The following SAP130 variants were observed in gnomAD, a reference collection of about 807,000 sequenced individuals.
SAP130 encodes histone deacetylase complex subunit SAP130.
Under a neutral mutation model 103.2 loss-of-function variants are expected in SAP130, and 16 were observed. The observed-to-expected ratio is 0.16, with a 90% CI of 0.10 to 0.24. The LOEUF is 0.24. Among genes scored for constraint, SAP130 ranks in the 10% least tolerant of loss-of-function variants. The pLI is 1.00. For missense variants in SAP130, 990 were observed against 1,359.7 expected (o/e 0.73, Z 4.28); for synonymous variants, 477 against 497.0 (o/e 0.96, Z 0.53).
At position 127,999,725 on chromosome 2, in the gene SAP130, G is replaced by A. The variant is rs770983419; in HGVS notation, c.1213+16C>T. On this transcript the variant is annotated intron_variant, in intron 10 of 20. Coordinates refer to ENST00000643581, the MANE Select transcript of SAP130 (RefSeq NM_001330301.2). ...ACTCCTGGTAAGCTTCTGTCCGAAG[G>A]CAGCAGGCCACTTACCGACTGGGAT... The A allele has an allele frequency of 5.5e-6, 8 of 1,455,842 alleles. No homozygotes were observed. In the South Asian group the frequency reaches 1.0e-4, roughly 19 times the overall value. 90.2% of individuals were successfully genotyped at this position (1,455,842 alleles called of 1,614,324 possible).
chr2:128,020,785 G>A (rs902046653), intron 2 of SAP130, among the ~76,000 whole-genome samples: 1 of 151,452 alleles, frequency 6.6e-6, no homozygotes, highest in Non-Finnish European at 1.5e-5. Flanking sequence ...GATCACCTGA[G>A]GTCAGGAGTT....
intron 14 of SAP130, among the ~76,000 whole-genome samples, chr2:127,984,297 T>C (rs1323478487): frequency 2.0e-5 from 3 of 152,254 alleles, no homozygotes; most frequent in Non-Finnish European, 4.4e-5. Flanking sequence ...CGGATACTGT[T>C]TGCTTATCCT....
chr2:127,981,875 G>T (rs1326747452), intron 14 of SAP130, among the ~76,000 whole-genome samples: 3 of 151,950 alleles, frequency 2.0e-5, no homozygotes, highest in Admixed American at 2.0e-4. Flanking sequence ...CCCAGTTCTG[G>T]CCCTACAAAA....
At chr2:127,991,025 C>T (rs767913939) in intron 12 of SAP130, among the ~76,000 whole-genome samples, 47 of 151,404 alleles carry the variant, frequency 3.1e-4, no homozygotes, top group Non-Finnish European at 1.0e-4. Flanking sequence ...CCGAGGCAGG[C>T]GATCATTTGA....
chr2:127,941,798 C>A lies in SAP130; in HGVS notation c.*208G>T. On this transcript the variant is annotated 3_prime_UTR_variant, in exon 21 of 21. Coordinates refer to ENST00000643581, the MANE Select transcript of SAP130 (RefSeq NM_001330301.2). ...ACACAGATCAGGTTTAACAGGGGTG[C>A]ACCCGAACGCAAGAAGGCAGCTCAC... 1.8e-6 allele frequency: 1 copy of A among 557,820 alleles called. No homozygotes were observed. 34.6% of individuals were successfully genotyped at this position (557,820 alleles called of 1,614,324 possible).
At chr2:128,022,996 ATTT>A (rs113445838) in intron 2 of SAP130, among the ~76,000 whole-genome samples, 1 of 141,786 alleles carries the variant, frequency 7.1e-6, no homozygotes, top group African/African-American at 2.6e-5. Context: ...CACCTGGCTA[ATTT>A]TTTTTTTTTT....
Position 127,986,654 on chromosome 2 carries a change from T to G in SAP130, c.1958+131A>C, listed in dbSNP as rs1682414690. 2.0e-6 allele frequency: 2 copies of G among 991,668 alleles called. No individual in the cohort carries two copies. The highest frequency in any genetic ancestry group is 4.7e-5 in the Admixed American group (2 of 42,150). 61.4% of individuals were successfully genotyped at this position (991,668 alleles called of 1,614,324 possible). On this transcript the variant is annotated intron_variant, in intron 14 of 20. Transcript: ENST00000643581. The surrounding 1 kb of genome is among the most constrained non-coding windows in gnomAD (Gnocchi z 4.7). ...GAATAATCCTGTGGTCAAGTTGTTT[T>G]GGAGGAAATTTTAACACACCACAGA...
chr2:128,022,802 T>C (rs962751259), intron 2 of SAP130, among the ~76,000 whole-genome samples: 1 of 152,146 alleles, frequency 6.6e-6, no homozygotes. Context: ...TCAGGTTGTT[T>C]GTCTTTTTAC....
At chr2:127,993,395 C>T in intron 11 of SAP130, 87 bp from the exon 12 acceptor site, 1 of 1,377,346 alleles carries the variant, frequency 7.3e-7, no homozygotes, top group Admixed American at 2.6e-5. Flanking sequence ...CTCTTTGTGT[C>T]CTTCAGAACT....
chr2:128,018,376 T>A, intron 2 of SAP130, among the ~76,000 whole-genome samples: 1 of 144,750 alleles, frequency 6.9e-6, no homozygotes, highest in African/African-American at 2.6e-5. Flanking sequence ...TCCCAGCTAC[T>A]TGGGAGGCTA....
chr2:127,968,457 G>A (rs1176193167), intron 15 of SAP130, among the ~76,000 whole-genome samples: 1 of 149,464 alleles, frequency 6.7e-6, no homozygotes, highest in African/African-American at 2.5e-5. Flanking sequence ...GGTCTTGGGA[G>A]GAGGAGGTTG....
intron 1 of SAP130, chr2:128,027,026 C>T: frequency 1.5e-6 from 2 of 1,325,114 alleles, no homozygotes; most frequent in Non-Finnish European, 2.0e-6. Flanking sequence ...ACCCCCGTCT[C>T]CGGGGTGGGG....
chr2:128,021,781 C>T (rs1190362846), intron 2 of SAP130, among the ~76,000 whole-genome samples: 3 of 132,708 alleles, frequency 2.3e-5, no homozygotes, highest in African/African-American at 1.0e-4. Context: ...CTTCCTTACT[C>T]ATTGCTTGAT....
intron 11 of SAP130, among the ~76,000 whole-genome samples, chr2:127,994,165 CAAT>C (rs1683016648): frequency 6.6e-6 from 1 of 152,118 alleles, no homozygotes. Context: ...TAAAAGAGAA[CAAT>C]AATTTAAAAC....
At position 127,942,014 on chromosome 2, in the gene SAP130, T is replaced by C; in HGVS notation, c.3166A>G (p.Lys1056Glu). 1 of 1,562,852 alleles carries C rather than the reference T, an allele frequency of 6.4e-7. No individual in the cohort carries two copies. The highest frequency in any genetic ancestry group is 8.7e-7 in the Non-Finnish European group (1 of 1,153,298). ...KKVSKLKRKE[K>E]V ...TCCTGATTGTTCTGGGTCTAGACTT[T>C]TTCCTTTCGCTTCAATTTGGACACT... Residue 1056 changes from lysine (K) to glutamate (E), a missense_variant, in exon 21 of 21, where the codon AAA becomes GAA. Physicochemically the swap from Lys to Glu is moderately conservative, Grantham distance 56. Transcript: ENST00000643581. This position sits in a 1 kb window ranked among gnomAD's most constrained non-coding sequence, Gnocchi z 4.8.
chr2:127,979,964 G>A (rs540483623), intron 14 of SAP130, among the ~76,000 whole-genome samples: 9 of 150,162 alleles, frequency 6.0e-5, no homozygotes, highest in African/African-American at 1.5e-4. Context: ...TGCAATCTCC[G>A]CCTCCTGGGT....
At chr2:127,946,921 G>A (rs1234328924) in intron 18 of SAP130, among the ~76,000 whole-genome samples, 2 of 145,844 alleles carry the variant, frequency 1.4e-5, no homozygotes, top group African/African-American at 5.1e-5. Context: ...TGGTTAAGAA[G>A]TCATACTAGA....
chr2:127,942,783 GT>G lies in SAP130; in HGVS notation c.2902-247del, dbSNP rs1678799640. Among the ~76,000 whole-genome samples the G allele has an allele frequency of 6.6e-6, 1 of 152,176 alleles. No individual in the cohort carries two copies. The highest frequency in any genetic ancestry group is 1.5e-5 in the Non-Finnish European group (1 of 68,024). ...GCGGGTGGATCACCTGAGGTCCAGA[GT>G]TTGAGACCAGCCTGACCAACAAGGT... On this transcript the variant is annotated intron_variant, in intron 19 of 20. Coordinates refer to ENST00000643581, the MANE Select transcript of SAP130 (RefSeq NM_001330301.2). The surrounding 1 kb of genome is among the most constrained non-coding windows in gnomAD (Gnocchi z 4.8).
intron 16 of SAP130, among the ~76,000 whole-genome samples, chr2:127,952,934 G>A (rs1480080542): frequency 6.6e-6 from 1 of 152,004 alleles, no homozygotes; most frequent in Non-Finnish European, 1.5e-5. Context: ...TGATGTGAAC[G>A]ACTCATCCAG....
Sources: allele counts gnomAD v4.1 joint callset (sites outside exome capture counted in the v4.1 genomes callset), GRCh38; gene constraint gnomAD v4.1.1; non-coding constraint Gnocchi (gnomAD v3.1); transcripts MANE v1.5; gene names NCBI Gene and HGNC (gene_info 2026-07-23, HGNC 2026-07-21).